SCRT2: variants seen among roughly 807,000 people sequenced by gnomAD.
SCRT2 encodes scratch family transcriptional repressor 2, also known as transcriptional repressor scratch 2.
Under a neutral mutation model 3.7 loss-of-function variants are expected in SCRT2, and 2 were observed. The ratio of observed to expected loss-of-function variants is 0.54; its 90% CI spans 0.22 to 1.70. The LOEUF is 1.70. Ranked by LOEUF, SCRT2 falls within the 40% of genes most tolerant of loss-of-function variation. The pLI, the probability that SCRT2 is intolerant of heterozygous loss-of-function variation, is 0.19. For synonymous variants in SCRT2, 256 were observed against 220.6 expected, an observed-to-expected ratio of 1.16 and a Z score of -1.42; for missense variants, 456 against 468.5, an observed-to-expected ratio of 0.97 and a Z score of 0.25.
intron 1 of SCRT2, among the ~76,000 whole-genome samples, chr20:674,587 C>A (rs1296559329): frequency 6.6e-6 from 1 of 152,210 alleles, no homozygotes; most frequent in Non-Finnish European, 1.5e-5. Context: ...GCAGTCTCCA[C>A]TTTCCCCTGC....
In SCRT2 at chr20:663,799, TG is replaced by T; in HGVS notation, c.795del (p.Phe265LeufsTer80). On this transcript the variant is annotated frameshift_variant, in exon 2 of 2. Coordinates refer to ENST00000246104, the MANE Select transcript of SCRT2 (RefSeq NM_033129.4). LOFTEE classifies it low-confidence loss of function (END_TRUNC). The surrounding 1 kb of genome is among the most constrained non-coding windows in gnomAD (Gnocchi z 6.9). ...TCGCACTGGCGGCAGCGGTAGTGCT[TG>T]AAGGCCGAGTGCGTCTGCATGTGCG... ...LRAHMQTHSA[F>X]KHYRCRQCDK... 6.3e-7 allele frequency: 1 copy of T among 1,595,564 alleles called. No individual in the cohort carries two copies.
At chr20:672,423 G>GCA (rs1984368233) in intron 1 of SCRT2, among the ~76,000 whole-genome samples, 6 of 150,706 alleles carry the variant, frequency 4.0e-5, no homozygotes, top group Admixed American at 2.0e-4. Flanking sequence ...GTGTGTGTGT[G>GCA]CGCGCGTGCG....
rs969528107 is a variant in SCRT2 at position 663,300 on chromosome 20, C to T, written c.*371G>A. The T allele has an allele frequency of 4.3e-5, 10 of 231,160 alleles. No homozygotes were observed. The highest frequency in any genetic ancestry group is 7.5e-5 in the Non-Finnish European group (9 of 119,344). The allele number at this position is 231,160 out of a possible 1,614,324, so 14.3% of individuals were successfully genotyped here. ...TGGTCAGAGAGATTCAGCTGAGAAG[C>T]GAGAGAAAAGATCTAGAAGTTAGAA... On this transcript the variant is annotated 3_prime_UTR_variant, in exon 2 of 2. Coordinates refer to ENST00000246104, the MANE Select transcript of SCRT2 (RefSeq NM_033129.4). This position sits in a 1 kb window ranked among gnomAD's most constrained non-coding sequence, Gnocchi z 6.9.
rs1984108145 is a variant in SCRT2 at position 664,860 on chromosome 20, A to G, written c.134-399T>C. On this transcript the variant is annotated intron_variant, in intron 1 of 1. Coordinates refer to ENST00000246104, the MANE Select transcript of SCRT2 (RefSeq NM_033129.4). This position sits in a 1 kb window ranked among gnomAD's most constrained non-coding sequence, Gnocchi z 7.9. ...CCTTGCCAGTGTGACCCTGAAGCCC[A>G]TGCTGTCTCTATTCCAACAACATGC... Among the ~76,000 whole-genome samples, 2 of 152,238 alleles carry G rather than the reference A, an allele frequency of 1.3e-5. No homozygotes were observed. The highest frequency in any genetic ancestry group is 2.9e-5 in the Non-Finnish European group (2 of 68,032).
At position 666,047 on chromosome 20, in the gene SCRT2, T is replaced by C. The variant is rs2122345433; in HGVS notation, c.134-1586A>G. On this transcript the variant is annotated intron_variant, in intron 1 of 1. Coordinates refer to ENST00000246104, the MANE Select transcript of SCRT2 (RefSeq NM_033129.4). The surrounding 1 kb of genome is among the most constrained non-coding windows in gnomAD (Gnocchi z 4.4). Reference sequence around the variant, plus strand: ...ACACAGGGTGAAGTCTGTGTGCCCCTGAAGGCAAGGGTGTGCCCTTATTTT... The same window carrying C: ...ACACAGGGTGAAGTCTGTGTGCCCCCGAAGGCAAGGGTGTGCCCTTATTTT... Among the ~76,000 whole-genome samples, 1 of 152,330 alleles carries C rather than the reference T, an allele frequency of 6.6e-6. No individual in the cohort carries two copies. Among genetic ancestry groups the C allele is most frequent in the Non-Finnish European group, 1.5e-5 (1 of 68,024 alleles).
chr20:671,688 C>T (rs1185382004), intron 1 of SCRT2, among the ~76,000 whole-genome samples: 1 of 152,134 alleles, frequency 6.6e-6, no homozygotes, highest in African/African-American at 2.4e-5. Context: ...GCTAGATAAG[C>T]CCATGGGTAG....
chr20:669,500 A>G (rs1358451966), intron 1 of SCRT2, among the ~76,000 whole-genome samples: 3 of 152,164 alleles, frequency 2.0e-5, no homozygotes, highest in Non-Finnish European at 4.4e-5. Context: ...GGGAATTCCT[A>G]GCCTCAGCCT....
At position 673,443 on chromosome 20, in the gene SCRT2, C is replaced by T. The variant is rs377359016; in HGVS notation, c.133+2026G>A. 4.9e-4 allele frequency among the ~76,000 whole-genome samples: 75 copies of T among 152,364 alleles called. 1 individual carries two copies. The highest frequency in any genetic ancestry group is 1.7e-3 in the African/African-American group (69 of 41,586). Reference sequence around the variant, plus strand: ...GGGAAGGCACTTGCCCAAGGTCACACAGCATGTGAGAGATCTAGAGCCCAG... The same window carrying T: ...GGGAAGGCACTTGCCCAAGGTCACATAGCATGTGAGAGATCTAGAGCCCAG... On this transcript the variant is annotated intron_variant, in intron 1 of 1. Coordinates refer to ENST00000246104, the MANE Select transcript of SCRT2 (RefSeq NM_033129.4).
chr20:671,120 C>T (rs1984318278), intron 1 of SCRT2, among the ~76,000 whole-genome samples: 2 of 152,178 alleles, frequency 1.3e-5, no homozygotes, highest in African/African-American at 4.8e-5. Context: ...GGAAACTGGG[C>T]CTGAATCTTG....
chr20:664,378 A>G lies in SCRT2; in HGVS notation c.217T>C (p.Tyr73His), dbSNP rs1339173455. 4 of 1,428,328 alleles carry G rather than the reference A, an allele frequency of 2.8e-6. No individual in the cohort carries two copies. Among genetic ancestry groups the G allele is most frequent in the Non-Finnish European group, 3.7e-6 (4 of 1,077,824 alleles). The allele number at this position is 1,428,328 out of a possible 1,614,324, so 88.5% of individuals were successfully genotyped here. ...TACTCCTCCGGCGCCGCCGGCGGGTACGCGGGCTCGGCCGGGGCCAGCTCC... is the reference window on the plus strand; with the variant it reads ...TACTCCTCCGGCGCCGCCGGCGGGTGCGCGGGCTCGGCCGGGGCCAGCTCC... ...GLELAPAEPA[Y>H]PPAAPEEYSD... The change falls in exon 2 of 2, where the codon TAC becomes CAC. Residue 73 changes from tyrosine (Y) to histidine (H), a missense_variant. Physicochemically the swap from Tyr to His is moderately conservative, Grantham distance 83 (BLOSUM62 2). Coordinates refer to ENST00000246104, the MANE Select transcript of SCRT2 (RefSeq NM_033129.4). The surrounding 1 kb of genome is among the most constrained non-coding windows in gnomAD (Gnocchi z 7.9).
At chr20:670,904 G>A (rs1432925852) in intron 1 of SCRT2, among the ~76,000 whole-genome samples, 3 of 152,152 alleles carry the variant, frequency 2.0e-5, no homozygotes, top group Non-Finnish European at 4.4e-5. Flanking sequence ...ACTGAGCCCT[G>A]TTAATTCACA....
At position 666,238 on chromosome 20, in the gene SCRT2, C is replaced by A. The variant is rs971546308; in HGVS notation, c.134-1777G>T. On this transcript the variant is annotated intron_variant, in intron 1 of 1. Coordinates refer to ENST00000246104, the MANE Select transcript of SCRT2 (RefSeq NM_033129.4). The surrounding 1 kb of genome is among the most constrained non-coding windows in gnomAD (Gnocchi z 4.4). Reference sequence around the variant, plus strand: ...GGGGAGAGGAGATGCCCAGCCTCTCCGCACCCTATGTCTCCCGTCCCATCT... The same window carrying A: ...GGGGAGAGGAGATGCCCAGCCTCTCAGCACCCTATGTCTCCCGTCCCATCT... Among the ~76,000 whole-genome samples, 1 of 152,006 alleles carries A rather than the reference C, an allele frequency of 6.6e-6. No individual in the cohort carries two copies. Among genetic ancestry groups the A allele is most frequent in the Non-Finnish European group, 1.5e-5 (1 of 67,982 alleles).
chr20:665,903 G>C lies in SCRT2; in HGVS notation c.134-1442C>G, dbSNP rs1038815878. ...GCAGGTGGAGGAGGGTTTTGTAAGG[G>C]GAAACAGGGTTCAAGATGTTCAGAC... On this transcript the variant is annotated intron_variant, in intron 1 of 1. Transcript: ENST00000246104. This position sits in a 1 kb window ranked among gnomAD's most constrained non-coding sequence, Gnocchi z 5.0. 2.0e-5 allele frequency among the ~76,000 whole-genome samples: 3 copies of C among 152,138 alleles called. No homozygotes were observed. The highest frequency in any genetic ancestry group is 4.4e-5 in the Non-Finnish European group (3 of 68,012).
intron 1 of SCRT2, among the ~76,000 whole-genome samples, chr20:669,393 A>G (rs1256765442): frequency 1.3e-5 from 2 of 152,156 alleles, no homozygotes; most frequent in African/African-American, 2.4e-5. Context: ...ACAAGTTCTC[A>G]TCAGAGCTGG....
intron 1 of SCRT2, among the ~76,000 whole-genome samples, chr20:671,908 C>T (rs911445111): frequency 7.9e-5 from 12 of 152,224 alleles, no homozygotes; most frequent in African/African-American, 2.9e-4. Context: ...GAGGCAGACA[C>T]TCCAGAAGAT....
chr20:672,351 G>A (rs547363202), intron 1 of SCRT2, among the ~76,000 whole-genome samples: 1 of 151,974 alleles, frequency 6.6e-6, no homozygotes, highest in South Asian at 2.1e-4. Context: ...GGCGGTAGAG[G>A]CTGAAAGGGA....
chr20:663,669 G>C lies in SCRT2; in HGVS notation c.*2C>G, dbSNP rs975395309. On this transcript the variant is annotated 3_prime_UTR_variant, in exon 2 of 2. Transcript: ENST00000246104. This position sits in a 1 kb window ranked among gnomAD's most constrained non-coding sequence, Gnocchi z 6.9. ...TCCGGGCGCGAGGGCGAGGCGGAAGGCTCAGCTGGCCGGGCCGGCGGGGGT... is the reference window on the plus strand; with the variant it reads ...TCCGGGCGCGAGGGCGAGGCGGAAGCCTCAGCTGGCCGGGCCGGCGGGGGT... 1.4e-6 allele frequency: 2 copies of C among 1,479,350 alleles called. No individual in the cohort carries two copies. Among genetic ancestry groups the C allele is most frequent in the Non-Finnish European group, 1.8e-6 (2 of 1,118,250 alleles). The allele number at this position is 1,479,350 out of a possible 1,614,324, so 91.6% of individuals were successfully genotyped here.
At chr20:672,946 C>A (rs1336327345) in intron 1 of SCRT2, among the ~76,000 whole-genome samples, 1 of 152,076 alleles carries the variant, frequency 6.6e-6, no homozygotes, top group East Asian at 1.9e-4. Context: ...GGGCTCTCAG[C>A]AGACCCCCAG....
rs904900509 is a variant in SCRT2, at chr20:665,022, C to G, written c.134-561G>C. ...ATAATAAGCGTGTGTTAAGCTCTTA[C>G]TGTTTGCCAGACTCTGCCTCGGTGC... is the stretch of plus-strand genomic sequence containing the variant. On this transcript the variant is annotated intron_variant, in intron 1 of 1. Transcript: ENST00000246104. This position sits in a 1 kb window ranked among gnomAD's most constrained non-coding sequence, Gnocchi z 5.0. 6.6e-6 allele frequency among the ~76,000 whole-genome samples: 1 copy of G among 152,212 alleles called. No homozygotes were observed. The highest frequency in any genetic ancestry group is 1.5e-5 in the Non-Finnish European group (1 of 68,040).
Sources: allele counts gnomAD v4.1 joint callset (sites outside exome capture counted in the v4.1 genomes callset), GRCh38; gene constraint gnomAD v4.1.1; non-coding constraint Gnocchi (gnomAD v3.1); transcripts MANE v1.5; gene names NCBI Gene and HGNC (gene_info 2026-07-23, HGNC 2026-07-21).